Variants in ST7 observed in about 807,000 individuals in gnomAD.
ST7 encodes the protein suppressor of tumorigenicity 7 protein.
Under a neutral mutation model 78.7 loss-of-function variants are expected in ST7, and 28 were observed. The ratio of observed to expected loss-of-function variants is 0.36; its 90% CI spans 0.26 to 0.49. The LOEUF (loss-of-function observed/expected upper bound fraction) is 0.49, where lower values mean the gene tolerates loss of function less well. Ranked by LOEUF, ST7 falls within the 20% of genes least tolerant of loss-of-function variation. The probability of loss-of-function intolerance (pLI) is 0.99; values close to 1 mark genes in which losing one functional copy is unlikely to be tolerated. For missense variants in ST7, 418 were observed against 696.0 expected, an observed-to-expected ratio of 0.60 and a Z score of 4.49; for synonymous variants, 247 against 249.6, an observed-to-expected ratio of 0.99 and a Z score of 0.10.
intron 1 of ST7, among the ~76,000 whole-genome samples, chr7:117,033,181 A>G (rs891039473): frequency 2.0e-5 from 3 of 152,246 alleles, no homozygotes; most frequent in Non-Finnish European, 2.9e-5. Context: ...AACACATTAC[A>G]TAGCAGCATC....
intron 9 of ST7, among the ~76,000 whole-genome samples, chr7:117,162,964 A>G (rs1009563713): frequency 1.3e-5 from 2 of 152,014 alleles, no homozygotes; most frequent in African/African-American, 2.4e-5. Context: ...CCTCTGTTCT[A>G]CTTTTTAGTT....
At chr7:117,100,591 T>C (rs1801498948) in intron 2 of ST7, among the ~76,000 whole-genome samples, 1 of 152,126 alleles carries the variant, frequency 6.6e-6, no homozygotes, top group East Asian at 1.9e-4. Flanking sequence ...TTCTAAGTTT[T>C]TTTTCCCTTC....
rs1318545204 is a variant in ST7 at position 117,229,909 on chromosome 7, G to A, written c.*52G>A. 3.4e-6 allele frequency: 5 copies of A among 1,457,868 alleles called. No individual in the cohort carries two copies. The highest frequency in any genetic ancestry group is 2.8e-5 in the African/African-American group (2 of 71,652). The allele number at this position is 1,457,868 out of a possible 1,614,324, so 90.3% of individuals were successfully genotyped here. On this transcript the variant is annotated 3_prime_UTR_variant, in exon 16 of 16. Transcript: ENST00000323984. ...ACCCGCCGCTGCCACCATCTCCTCTGTGCCAACTCCTTGTGGACCGCAAGA... is the reference window on the plus strand; with the variant it reads ...ACCCGCCGCTGCCACCATCTCCTCTATGCCAACTCCTTGTGGACCGCAAGA...
At position 117,229,885 on chromosome 7, in the gene ST7, C is replaced by T. The variant is rs752859538; in HGVS notation, c.*28C>T. ...GAAGCCCTGTCCTCCACTCACCTCA[C>T]CCGCCGCTGCCACCATCTCCTCTGT... On this transcript the variant is annotated 3_prime_UTR_variant, in exon 16 of 16. Transcript: ENST00000323984. 1.3e-6 allele frequency: 2 copies of T among 1,576,994 alleles called. No individual in the cohort carries two copies. Among genetic ancestry groups the T allele is most frequent in the African/African-American group, 1.3e-5 (1 of 74,206 alleles).
chr7:117,044,619 G>A (rs1000422494), intron 1 of ST7, among the ~76,000 whole-genome samples: 24 of 152,128 alleles, frequency 1.6e-4, no homozygotes, highest in Admixed American at 1.5e-3. Flanking sequence ...TAAGGTAGGG[G>A]TTTTATCATA....
chr7:117,195,736 T>TCCCACTGGTCAGAGACCA (rs1378607822), intron 12 of ST7, among the ~76,000 whole-genome samples: 1 of 152,228 alleles, frequency 6.6e-6, no homozygotes, highest in East Asian at 1.9e-4. Context: ...TTCAGTTACC[T>TCCCACTGGTCAGAGACCA]CCCACCAGGT....
chr7:117,163,962 T>C lies in ST7; in HGVS notation c.964-6900T>C, dbSNP rs189664715. On this transcript the variant is annotated intron_variant, in intron 9 of 15. Coordinates refer to ENST00000323984, the MANE Select transcript of ST7 (RefSeq NM_001369598.1). Reference sequence around the variant, plus strand: ...TTTTGGAAGCAATCTACAGTTTTGCTGCAATCTGTATCAAAATACCAATGA... The same window carrying C: ...TTTTGGAAGCAATCTACAGTTTTGCCGCAATCTGTATCAAAATACCAATGA... Among the ~76,000 whole-genome samples the C allele has an allele frequency of 6.3e-3, 959 of 152,304 alleles. 10 individuals carry two copies. The highest frequency in any genetic ancestry group is 0.044 in the Middle Eastern group (13 of 294).
At chr7:117,130,092 A>G (rs1804222978) in intron 4 of ST7, among the ~76,000 whole-genome samples, 1 of 151,942 alleles carries the variant, frequency 6.6e-6, no homozygotes, top group South Asian at 2.1e-4. Flanking sequence ...TTTTCAATAT[A>G]TACTATACAT....
chr7:117,132,004 T>C (rs748975888), intron 6 of ST7, 44 bp downstream of exon 6: 4 of 1,556,476 alleles, frequency 2.6e-6, no homozygotes, highest in South Asian at 1.1e-5. Context: ...AATCTCATCC[T>C]TTGCTGAATA....
intron 1 of ST7, among the ~76,000 whole-genome samples, chr7:117,067,468 G>A (rs1469236732): frequency 6.6e-6 from 1 of 152,040 alleles, no homozygotes; most frequent in African/African-American, 2.4e-5. Context: ...GGAAAAGTAG[G>A]GGTTTTATAG....
chr7:117,005,877 G>C (rs902353648), intron 1 of ST7, among the ~76,000 whole-genome samples: 4 of 152,042 alleles, frequency 2.6e-5, no homozygotes, highest in African/African-American at 4.8e-5. Context: ...TTGTTTCTTA[G>C]ACATAAATAA....
intron 15 of ST7, among the ~76,000 whole-genome samples, chr7:117,227,756 G>C (rs1253887730): frequency 6.6e-6 from 1 of 152,138 alleles, no homozygotes; most frequent in Non-Finnish European, 1.5e-5. Context: ...GCATTCATGG[G>C]TGCTCCCAAT....
At chr7:117,143,516 A>G (rs1289058597) in intron 9 of ST7, among the ~76,000 whole-genome samples, 1 of 152,202 alleles carries the variant, frequency 6.6e-6, no homozygotes, top group Non-Finnish European at 1.5e-5. Flanking sequence ...AGAGTTTTAA[A>G]TATCATCTCA....
chr7:117,152,301 T>C (rs1806358003), intron 9 of ST7, among the ~76,000 whole-genome samples: 2 of 148,294 alleles, frequency 1.3e-5, no homozygotes, highest in South Asian at 4.3e-4. Context: ...TCCATTAAAC[T>C]TGGGGCAATG....
At chr7:117,029,239 CA>C (rs1368322564) in intron 1 of ST7, among the ~76,000 whole-genome samples, 2 of 152,146 alleles carry the variant, frequency 1.3e-5, no homozygotes, top group Non-Finnish European at 2.9e-5. Context: ...TCACTTGCTT[CA>C]AATTCTTGCC....
At chr7:116,955,105 C>CT (rs1562974240) in intron 1 of ST7, 1 of 471,080 alleles carries the variant, frequency 2.1e-6, no homozygotes, top group Admixed American at 2.4e-5. Context: ...CGCTTTTCAT[C>CT]TTTTTGGATG....
chr7:116,999,445 A>G (rs540168235), intron 1 of ST7, among the ~76,000 whole-genome samples: 1 of 152,330 alleles, frequency 6.6e-6, no homozygotes, highest in African/African-American at 2.4e-5. Flanking sequence ...AACAAACCCT[A>G]TGAGGAAAAG....
At chr7:117,012,763 G>C (rs956840384) in intron 1 of ST7, among the ~76,000 whole-genome samples, 1 of 152,082 alleles carries the variant, frequency 6.6e-6, no homozygotes, top group Non-Finnish European at 1.5e-5. Flanking sequence ...GCTTAATTAG[G>C]ATAATCTATG....
At position 117,168,654 on chromosome 7, in the gene ST7, G is replaced by A. The variant is rs923444455; in HGVS notation, c.964-2208G>A. Among the ~76,000 whole-genome samples the A allele has an allele frequency of 6.6e-5, 10 of 152,174 alleles. No homozygotes were observed. The South Asian group carries it at 2.1e-3, about 31-fold the overall frequency. ...AGTGAAAATACTGCAGGCCTCTCTAGGGAAGTTCGGACCATCAGTCTTACT... is the reference window on the plus strand; with the variant it reads ...AGTGAAAATACTGCAGGCCTCTCTAAGGAAGTTCGGACCATCAGTCTTACT... On this transcript the variant is annotated intron_variant, in intron 9 of 15. Transcript: ENST00000323984.
Sources: allele counts gnomAD v4.1 joint callset (sites outside exome capture counted in the v4.1 genomes callset), GRCh38; gene constraint gnomAD v4.1.1; transcripts MANE v1.5; gene names NCBI Gene and HGNC (gene_info 2026-07-23, HGNC 2026-07-21).